The following AGBL1 variants were observed in gnomAD, a reference collection of about 807,000 sequenced individuals.
AGBL1 encodes AGBL carboxypeptidase 1.
In AGBL1, 130 loss-of-function variants were observed where a neutral mutation model predicts 118.9. That is an observed-to-expected ratio of 1.09 (90% CI 0.95 to 1.26). The LOEUF is 1.26. Among genes scored for constraint, AGBL1 ranks in the 50% most tolerant of loss-of-function variants. The probability of loss-of-function intolerance (pLI) is 0.00; values close to 1 mark genes in which losing one functional copy is unlikely to be tolerated. For missense variants in AGBL1, 1,584 were observed against 1,298.1 expected, an observed-to-expected ratio of 1.22 and a Z score of -3.38; for synonymous variants, 555 against 478.9, an observed-to-expected ratio of 1.16 and a Z score of -2.08.
chr15:86,556,740 A>G (rs548144097), intron 21 of AGBL1, among the ~76,000 whole-genome samples: 2 of 152,308 alleles, frequency 1.3e-5, no homozygotes, highest in South Asian at 2.1e-4. Flanking sequence ...TGAGATTATT[A>G]TTCTAAGGTC....
intron 21 of AGBL1, among the ~76,000 whole-genome samples, chr15:86,649,020 G>A (rs1279243345): frequency 1.3e-5 from 2 of 152,114 alleles, no homozygotes; most frequent in African/African-American, 2.4e-5. Flanking sequence ...TTTAAGAGAT[G>A]GAGAAATGAT....
intron 21 of AGBL1, among the ~76,000 whole-genome samples, chr15:86,668,227 T>C (rs2085681773): frequency 6.6e-6 from 1 of 152,166 alleles, no homozygotes; most frequent in Non-Finnish European, 1.5e-5. Flanking sequence ...GGGATAAATA[T>C]CCAATTCATA....
intron 22 of AGBL1, among the ~76,000 whole-genome samples, chr15:86,767,385 C>T (rs988614972): frequency 5.3e-5 from 8 of 151,770 alleles, no homozygotes; most frequent in African/African-American, 1.7e-4. Context: ...AGACTTTTTC[C>T]CTCTTTGCTT....
chr15:86,382,658 CAAT>C (rs899070008), intron 17 of AGBL1, among the ~76,000 whole-genome samples: 6 of 151,926 alleles, frequency 3.9e-5, no homozygotes, highest in Non-Finnish European at 5.9e-5. Context: ...GCAACAGTAA[CAAT>C]AATAATAATA....
intron 18 of AGBL1, among the ~76,000 whole-genome samples, chr15:86,449,758 T>C (rs991046532): frequency 1.3e-5 from 2 of 152,184 alleles, no homozygotes; most frequent in Non-Finnish European, 2.9e-5. Flanking sequence ...AGCCTCCTGG[T>C]GTTCAGTGAG....
At chr15:86,675,106 T>C (rs1003729818) in intron 22 of AGBL1, among the ~76,000 whole-genome samples, 15 of 152,148 alleles carry the variant, frequency 9.9e-5, no homozygotes, top group African/African-American at 2.2e-4. Flanking sequence ...GAAGAAATAA[T>C]GGGCATGTGA....
At chr15:86,392,048 A>G (rs2081295661) in intron 17 of AGBL1, among the ~76,000 whole-genome samples, 1 of 152,092 alleles carries the variant, frequency 6.6e-6, no homozygotes, top group Non-Finnish European at 1.5e-5. Flanking sequence ...TATGATTGTT[A>G]TTCTCTAAAA....
At chr15:86,428,657 G>A (rs527734217) in intron 18 of AGBL1, among the ~76,000 whole-genome samples, 2 of 152,260 alleles carry the variant, frequency 1.3e-5, no homozygotes, top group South Asian at 4.1e-4. Flanking sequence ...TAGAATTAAG[G>A]ACTCATATAT....
At chr15:86,340,398 C>T (rs2141880579) in intron 17 of AGBL1, among the ~76,000 whole-genome samples, 1 of 151,952 alleles carries the variant, frequency 6.6e-6, no homozygotes, top group South Asian at 2.1e-4. Context: ...TGAAGTCATC[C>T]TAGGTTTAGT....
At chr15:86,834,724 A>T (rs995334306) in intron 22 of AGBL1, among the ~76,000 whole-genome samples, 9 of 152,112 alleles carry the variant, frequency 5.9e-5, no homozygotes, top group African/African-American at 2.2e-4. Flanking sequence ...CCCACTTCAC[A>T]TGGATACAAC....
chr15:86,790,514 G>A (rs960172100), intron 22 of AGBL1, among the ~76,000 whole-genome samples: 3 of 152,158 alleles, frequency 2.0e-5, no homozygotes, highest in Non-Finnish European at 4.4e-5. Context: ...GCAAGCTAGT[G>A]CCCTGTGGCA....
In AGBL1 at chr15:86,437,892, T is replaced by C. The variant is rs150038771; in HGVS notation, c.2555+40346T>C. On this transcript the variant is annotated intron_variant, in intron 18 of 22. Coordinates refer to ENST00000614907, the MANE Select transcript of AGBL1 (RefSeq NM_001386094.1). ...CGATCCAGCTAAGCCTCAGTTTTCT[T>C]TTTTTTCCCTTCTTTTCTTTCTCTT... Among the ~76,000 whole-genome samples the C allele has an allele frequency of 4.2e-3, 637 of 152,188 alleles. 8 individuals are homozygous for C. The highest frequency in any genetic ancestry group is 0.014 in the African/African-American group (602 of 41,526).
intron 21 of AGBL1, among the ~76,000 whole-genome samples, chr15:86,658,459 C>T (rs2085493273): frequency 6.6e-6 from 1 of 152,182 alleles, no homozygotes; most frequent in Admixed American, 6.5e-5. Context: ...ACTGACACCT[C>T]TACTGGTCTG....
chr15:86,330,534 A>G (rs1382155082), intron 17 of AGBL1, among the ~76,000 whole-genome samples: 2 of 152,244 alleles, frequency 1.3e-5, no homozygotes, highest in Non-Finnish European at 2.9e-5. Flanking sequence ...TCCCCAGATG[A>G]GAAGGAAACA....
chr15:86,516,266 G>A (rs1200595830), intron 18 of AGBL1, among the ~76,000 whole-genome samples: 1 of 152,164 alleles, frequency 6.6e-6, no homozygotes, highest in Non-Finnish European at 1.5e-5. Flanking sequence ...TGTGAGGCAG[G>A]TATGTAGCTT....
chr15:86,693,560 T>G (rs1006984794), intron 22 of AGBL1, among the ~76,000 whole-genome samples: 5 of 152,012 alleles, frequency 3.3e-5, no homozygotes, highest in South Asian at 2.1e-4. Flanking sequence ...GCTCTCTGTT[T>G]ACTCTGTTCC....
intron 6 of AGBL1, among the ~76,000 whole-genome samples, chr15:86,239,192 C>T (rs191039583): frequency 4.9e-4 from 74 of 152,208 alleles, no homozygotes; most frequent in Non-Finnish European, 8.5e-4. Flanking sequence ...TTACCTGTCC[C>T]GGTTTCTGGA....
intron 1 of AGBL1, among the ~76,000 whole-genome samples, chr15:86,136,591 A>G (rs992207512): frequency 6.6e-6 from 1 of 152,176 alleles, no homozygotes; most frequent in Admixed American, 6.5e-5. Context: ...GTGGGGAGAA[A>G]TGATGCTTAA....
chr15:86,601,321 A>G (rs2084489319), intron 21 of AGBL1, among the ~76,000 whole-genome samples: 1 of 152,166 alleles, frequency 6.6e-6, no homozygotes, highest in African/African-American at 2.4e-5. Flanking sequence ...TGGGCAATAC[A>G]TTATTTGACT....
Sources: allele counts gnomAD v4.1 joint callset (sites outside exome capture counted in the v4.1 genomes callset), GRCh38; gene constraint gnomAD v4.1.1; transcripts MANE v1.5; gene names NCBI Gene and HGNC (gene_info 2026-07-23, HGNC 2026-07-21).